Variants in ABTB2 observed in about 807,000 individuals in gnomAD.
The protein encoded by ABTB2 is ankyrin repeat and BTB domain containing 2, also known as ankyrin repeat and BTB/POZ domain-containing protein 2.
A neutral mutation model predicts 104.1 loss-of-function variants in ABTB2; 56 were observed. The ratio of observed to expected loss-of-function variants is 0.54; its 90% CI spans 0.43 to 0.67. The LOEUF is 0.67. ABTB2 is among the 30% of genes least tolerant of loss of function. The pLI, the probability that ABTB2 is intolerant of heterozygous loss-of-function variation, is 0.00. For synonymous variants in ABTB2, 606 were observed against 608.2 expected, an observed-to-expected ratio of 1.00 and a Z score of 0.05; for missense variants, 1,279 against 1,407.7, an observed-to-expected ratio of 0.91 and a Z score of 1.46.
At chr11:34,347,204 G>A (rs547244266) in intron 1 of ABTB2, among the ~76,000 whole-genome samples, 21 of 152,324 alleles carry the variant, frequency 1.4e-4, no homozygotes, top group Admixed American at 2.6e-4. Flanking sequence ...GGGAGGCCAC[G>A]GCGGGCAGAT....
At position 34,312,642 on chromosome 11, in the gene ABTB2, C is replaced by T. The variant is rs74904571; in HGVS notation, c.883+44059G>A. 4.7e-4 allele frequency among the ~76,000 whole-genome samples: 71 copies of T among 152,322 alleles called. No individual in the cohort carries two copies. The East Asian group carries it at 0.012, about 25-fold the overall frequency. ...TCAGAGTTCCCATTTGTTCTTTCAT[C>T]TCTCAGCTGGTCTAAGAGAAAATAA... On this transcript the variant is annotated intron_variant, in intron 1 of 16. Transcript: ENST00000435224.
At chr11:34,286,110 G>C (rs1005951903) in intron 1 of ABTB2, among the ~76,000 whole-genome samples, 6 of 151,844 alleles carry the variant, frequency 4.0e-5, no homozygotes, top group Admixed American at 2.6e-4. Context: ...AGGAGTTTGA[G>C]GCCAGCCTGG....
At chr11:34,330,734 C>A (rs539092226) in intron 1 of ABTB2, among the ~76,000 whole-genome samples, 1 of 152,350 alleles carries the variant, frequency 6.6e-6, no homozygotes, top group South Asian at 2.1e-4. Context: ...ACTGTCATTT[C>A]ATCAACAGTT....
At chr11:34,337,109 T>G (rs961528400) in intron 1 of ABTB2, among the ~76,000 whole-genome samples, 1 of 152,174 alleles carries the variant, frequency 6.6e-6, no homozygotes, top group South Asian at 2.1e-4. Context: ...ACCACCTGAG[T>G]GCAAGTGAGT....
chr11:34,175,060 G>A (rs1852945411), intron 3 of ABTB2, among the ~76,000 whole-genome samples: 1 of 152,222 alleles, frequency 6.6e-6, no homozygotes, highest in Non-Finnish European at 1.5e-5. Flanking sequence ...AAGTGCTCCC[G>A]CCAGGGAAAA....
chr11:34,278,646 G>A (rs1379860176), intron 1 of ABTB2, among the ~76,000 whole-genome samples: 1 of 152,138 alleles, frequency 6.6e-6, no homozygotes, highest in Non-Finnish European at 1.5e-5. Flanking sequence ...TAAGGCACAA[G>A]GGACAGAATC....
chr11:34,242,420 A>C (rs1853930819), intron 1 of ABTB2: 1 of 152,396 alleles, frequency 6.6e-6, no homozygotes, highest in South Asian at 2.1e-4. Flanking sequence ...CTTGGCACAC[A>C]GTATCTGACA....
At chr11:34,307,045 A>G (rs547430317) in intron 1 of ABTB2, among the ~76,000 whole-genome samples, 2 of 152,116 alleles carry the variant, frequency 1.3e-5, no homozygotes, top group South Asian at 4.2e-4. Context: ...GACTCAGTAA[A>G]GGGCCACTGC....
At chr11:34,159,796 G>T in intron 13 of ABTB2, 110 bp downstream of exon 13, 1 of 849,484 alleles carries the variant, frequency 1.2e-6, no homozygotes, top group Non-Finnish European at 1.9e-6. Context: ...CAGTCTGAGG[G>T]GCAGAGGCTG....
At chr11:34,354,174 T>C (rs1219060500) in intron 1 of ABTB2, among the ~76,000 whole-genome samples, 1 of 151,770 alleles carries the variant, frequency 6.6e-6, no homozygotes, top group African/African-American at 2.4e-5. Flanking sequence ...TGCAAGAGAG[T>C]TCCCTGGAGA....
intron 1 of ABTB2, among the ~76,000 whole-genome samples, chr11:34,325,715 T>C (rs1366450266): frequency 6.6e-6 from 1 of 151,946 alleles, no homozygotes; most frequent in African/African-American, 2.4e-5. Context: ...CTTTGGGAGA[T>C]TGAGGCAGGC....
At chr11:34,301,425 G>A (rs776018871) in intron 1 of ABTB2, among the ~76,000 whole-genome samples, 3 of 152,060 alleles carry the variant, frequency 2.0e-5, no homozygotes, top group Admixed American at 6.5e-5. Flanking sequence ...AATCTAAATC[G>A]ATGAATATGT....
chr11:34,335,781 A>G, intron 1 of ABTB2: 1 of 1,375,016 alleles, frequency 7.3e-7, no homozygotes, highest in South Asian at 1.2e-5. Context: ...CTATGATCCC[A>G]GGAAGCTTGA....
chr11:34,195,077 G>GC (rs1554982301), intron 3 of ABTB2, among the ~76,000 whole-genome samples: 12 of 97,320 alleles, frequency 1.2e-4, no homozygotes, highest in African/African-American at 3.5e-4. Context: ...ATGCCCGGCG[G>GC]GGGGGGGGAG....
At position 34,197,542 on chromosome 11, in the gene ABTB2, G is replaced by A. The variant is rs777080565; in HGVS notation, c.1031-4C>T. The A allele has an allele frequency of 8.9e-6, 14 of 1,566,456 alleles. No individual in the cohort carries two copies. The South Asian group carries it at 1.4e-4, about 15-fold the overall frequency. On this transcript the variant is annotated splice_region_variant and splice_polypyrimidine_tract_variant and intron_variant, in intron 2 of 16. Coordinates refer to ENST00000435224, the MANE Select transcript of ABTB2 (RefSeq NM_145804.3). ...ATGGCACGGGAGACCAAGTCACCTG[G>A]TGGGGGGCGGGGAGGGCAGAGGGGA...
intron 1 of ABTB2, among the ~76,000 whole-genome samples, chr11:34,224,711 T>C (rs1041734709): frequency 1.3e-5 from 2 of 152,160 alleles, no homozygotes; most frequent in African/African-American, 4.8e-5. Flanking sequence ...GAACATCAAA[T>C]GAGATGATGC....
intron 1 of ABTB2, among the ~76,000 whole-genome samples, chr11:34,267,753 G>C (rs1012554295): frequency 1.3e-5 from 2 of 151,990 alleles, no homozygotes; most frequent in African/African-American, 4.8e-5. Flanking sequence ...CTTTCCAGGA[G>C]GACATTGGAG....
At chr11:34,342,952 TATTTATTTATTC>T (rs1420035786) in intron 1 of ABTB2, among the ~76,000 whole-genome samples, 1 of 96,334 alleles carries the variant, frequency 1.0e-5, no homozygotes. Flanking sequence ...TTTATTTATT[TATTTATTTATTC>T]GTTCATTCAT....
chr11:34,182,669 C>G (rs903157099), intron 3 of ABTB2, among the ~76,000 whole-genome samples: 3 of 151,958 alleles, frequency 2.0e-5, no homozygotes, highest in African/African-American at 7.3e-5. Flanking sequence ...TTCAGGTCCC[C>G]ATAGGAGCCT....
Sources: allele counts gnomAD v4.1 joint callset (sites outside exome capture counted in the v4.1 genomes callset), GRCh38; gene constraint gnomAD v4.1.1; transcripts MANE v1.5; gene names NCBI Gene and HGNC (gene_info 2026-07-23, HGNC 2026-07-21).